ACVR1B: variants seen among roughly 807,000 people sequenced by gnomAD.
ACVR1B encodes the protein activin A receptor type 1B.
Under a neutral mutation model 55.6 loss-of-function variants are expected in ACVR1B, and 15 were observed. That is an observed-to-expected ratio of 0.27 (90% confidence interval 0.18 to 0.42). The LOEUF is 0.42. Ranked by LOEUF, ACVR1B falls within the 10% of genes least tolerant of loss-of-function variation. ACVR1B has a pLI of 1.00. For missense variants in ACVR1B, 359 were observed against 670.1 expected, an observed-to-expected ratio of 0.54 and a Z score of 5.13; for synonymous variants, 247 against 254.6, an observed-to-expected ratio of 0.97 and a Z score of 0.28.
rs746148709 is a variant in ACVR1B at position 51,951,815 on chromosome 12, C to G, written c.72C>G (p.Ser24=). ...VVLLLAGSGG[S]GPRGVQALLC... ...TCCTGCTCGCCGGCAGCGGCGGGTC[C>G]GGGCCCCGGGGGGTCCAGGGTGAGT... The change falls in exon 1 of 9, where the codon TCC becomes TCG. Residue 24 remains serine, a synonymous_variant. Transcript: ENST00000257963. 4.7e-6 allele frequency: 6 copies of G among 1,278,308 alleles called. No homozygotes were observed. The East Asian group carries it at 1.8e-4, about 37-fold the overall frequency. The allele number at this position is 1,278,308 out of a possible 1,614,324, so 79.2% of individuals were successfully genotyped here.
chr12:51,990,961 G>A (rs1220766389), intron 7 of ACVR1B, among the ~76,000 whole-genome samples: 1 of 152,112 alleles, frequency 6.6e-6, no homozygotes, highest in East Asian at 1.9e-4. Flanking sequence ...CCTTCACAGG[G>A]GTTCCTCTGT....
At chr12:51,991,061 A>T (rs1330300660) in intron 7 of ACVR1B, among the ~76,000 whole-genome samples, 1 of 152,222 alleles carries the variant, frequency 6.6e-6, no homozygotes, top group Non-Finnish European at 1.5e-5. Context: ...GCGAATGATT[A>T]CTTCCCCTAC....
intron 1 of ACVR1B, among the ~76,000 whole-genome samples, chr12:51,965,670 G>A (rs888850704): frequency 1.3e-5 from 2 of 152,164 alleles, no homozygotes; most frequent in Non-Finnish European, 2.9e-5. Context: ...GGATGGTATA[G>A]TTGGGCTAGG....
At chr12:51,982,710 C>T (rs557422924) in intron 4 of ACVR1B, 1 of 1,532,852 alleles carries the variant, frequency 6.5e-7, no homozygotes, top group South Asian at 1.2e-5. Flanking sequence ...CTCACATTGC[C>T]ATGGGAAGTT....
chr12:51,978,875 G>C (rs1941921931), intron 3 of ACVR1B, among the ~76,000 whole-genome samples: 1 of 149,282 alleles, frequency 6.7e-6, no homozygotes, highest in Non-Finnish European at 1.5e-5. Context: ...GGATCAGAGA[G>C]ACAGGAATTG....
rs753911333 is a variant in ACVR1B, at chr12:51,986,925, G to A, written c.1244G>A (p.Arg415Gln). The A allele has an allele frequency of 3.1e-6, 5 of 1,614,210 alleles. No individual in the cohort carries two copies. Among genetic ancestry groups the A allele is most frequent in the African/African-American group, 1.3e-5 (1 of 75,046 alleles). The part of the protein sequence containing the change: ...ALGLVYWEIA[R>Q]RCNSGGVHEE... ...GGGCTTGTATATTGGGAGATTGCTCGAAGATGCAATTCTGGAGGTACCTTT... is the reference window on the plus strand; with the variant it reads ...GGGCTTGTATATTGGGAGATTGCTCAAAGATGCAATTCTGGAGGTACCTTT... The change falls in exon 7 of 9, where the codon CGA becomes CAA. Residue 415 changes from arginine to glutamine, a missense_variant. Arg to Gln is a conservative substitution (Grantham distance 43). Coordinates refer to ENST00000257963, the MANE Select transcript of ACVR1B (RefSeq NM_004302.5).
In ACVR1B at chr12:51,975,293, C is replaced by G. The variant is rs555617954; in HGVS notation, c.120C>G (p.Leu40=). 1.9e-6 allele frequency: 3 copies of G among 1,613,586 alleles called. No homozygotes were observed. Among genetic ancestry groups the G allele is most frequent in the East Asian group, 4.5e-5 (2 of 44,888 alleles). Residue 40 remains leucine (L), a synonymous_variant, in exon 2 of 9, where the codon CTC becomes CTG. Coordinates refer to ENST00000257963, the MANE Select transcript of ACVR1B (RefSeq NM_004302.5). ...TGCTGTGTGCGTGCACCAGCTGCCTCCAGGCCAACTACACGTGTGAGACAG... is the reference window on the plus strand; with the variant it reads ...TGCTGTGTGCGTGCACCAGCTGCCTGCAGGCCAACTACACGTGTGAGACAG... ...QALLCACTSC[L]QANYTCETDG...
intron 2 of ACVR1B, among the ~76,000 whole-genome samples, chr12:51,975,740 A>C (rs1042831968): frequency 6.6e-6 from 1 of 152,240 alleles, no homozygotes; most frequent in Non-Finnish European, 1.5e-5. Context: ...GTAGTGGCTT[A>C]GCAGCCATAG....
intron 7 of ACVR1B, among the ~76,000 whole-genome samples, chr12:51,990,312 C>CTTTTTTTTTTTTTTTT (rs71092738): frequency 1.1e-5 from 1 of 89,588 alleles, no homozygotes; most frequent in Non-Finnish European, 2.0e-5. Context: ...AAATTTAGTG[C>CTTTTTTTTTTTTTTTT]TTTTTTTTTT....
chr12:51,976,280 T>C lies in ACVR1B; in HGVS notation c.332-47T>C, dbSNP rs1333078511. The C allele has an allele frequency of 3.1e-6, 5 of 1,609,784 alleles. No homozygotes were observed. The African/African-American group carries it at 5.4e-5, about 17-fold the overall frequency. ...GAGGGGGGTGTTTTTACTCTTTCCC[T>C]TGTTTTTACTTCTCATTCTTTCCCT... is the stretch of plus-strand genomic sequence containing the variant. On this transcript the variant is annotated intron_variant, in intron 2 of 8. Coordinates refer to ENST00000257963, the MANE Select transcript of ACVR1B (RefSeq NM_004302.5).
chr12:51,951,755 G>A lies in ACVR1B; in HGVS notation c.12G>A (p.Ser4=), dbSNP rs1169430991. Residue 4 remains serine, a synonymous_variant, in exon 1 of 9, where the codon TCG becomes TCA. Transcript: ENST00000257963. ...CGGCGGTGGTTACTATGGCGGAGTCGGCCGGAGCCTCCTCCTTCTTCCCCC... is the reference window on the plus strand; with the variant it reads ...CGGCGGTGGTTACTATGGCGGAGTCAGCCGGAGCCTCCTCCTTCTTCCCCC... MAE[S]AGASSFFPLV... is the part of the protein sequence containing the mutation. The A allele has an allele frequency of 3.1e-6, 4 of 1,277,476 alleles. No individual in the cohort carries two copies. Among genetic ancestry groups the A allele is most frequent in the South Asian group, 3.5e-5 (1 of 28,696 alleles). 79.1% of individuals were successfully genotyped at this position (1,277,476 alleles called of 1,614,324 possible). A position where few individuals can be genotyped will look rare whatever the true frequency, so the allele number is the denominator to read the frequency against.
intron 1 of ACVR1B, among the ~76,000 whole-genome samples, chr12:51,971,164 C>T (rs1016397118): frequency 7.9e-5 from 12 of 152,186 alleles, no homozygotes; most frequent in African/African-American, 7.2e-5. Context: ...CTCTATAACA[C>T]GGAGCTAGAC....
Position 51,961,641 on chromosome 12 carries a change from A to G in ACVR1B, c.91+9807A>G, listed in dbSNP as rs779755543. On this transcript the variant is annotated intron_variant, in intron 1 of 8. Transcript: ENST00000257963. ...ATTCCTATCCCTCTTCTCACTCAAA[A>G]CTGTGACATACACGGTCTCCTCTCC... 1.6e-4 allele frequency among the ~76,000 whole-genome samples: 25 copies of G among 152,104 alleles called. 1 individual carries two copies. Among genetic ancestry groups the G allele is most frequent in the Non-Finnish European group, 2.9e-4 (20 of 68,000 alleles).
chr12:51,953,354 T>G, intron 1 of ACVR1B: 1 of 985,474 alleles, frequency 1.0e-6, no homozygotes, highest in South Asian at 4.7e-5. Context: ...GTGGAGCCTG[T>G]GCAGCGGGGT....
intron 1 of ACVR1B, among the ~76,000 whole-genome samples, chr12:51,957,129 C>T (rs771824116): frequency 2.6e-5 from 4 of 151,972 alleles, no homozygotes; most frequent in African/African-American, 4.8e-5. Context: ...GTGTCCTGCT[C>T]TGTCACCCAG....
chr12:51,967,205 A>C (rs1367909737), intron 1 of ACVR1B, among the ~76,000 whole-genome samples: 3 of 151,730 alleles, frequency 2.0e-5, no homozygotes, highest in Non-Finnish European at 4.4e-5. Flanking sequence ...GTGCCACTGC[A>C]CTCCAGCCTG....
At chr12:51,967,683 A>G (rs1413932079) in intron 1 of ACVR1B, among the ~76,000 whole-genome samples, 2 of 152,236 alleles carry the variant, frequency 1.3e-5, no homozygotes, top group Non-Finnish European at 2.9e-5. Context: ...GCACTTGGCT[A>G]AGAGCTTTAT....
chr12:51,993,969 C>G lies in ACVR1B; in HGVS notation c.1393-16C>G, dbSNP rs1473483333. 6.2e-7 allele frequency: 1 copy of G among 1,613,610 alleles called. No homozygotes were observed. Among genetic ancestry groups the G allele is most frequent in the Admixed American group, 1.7e-5 (1 of 60,014 alleles). On this transcript the variant is annotated splice_polypyrimidine_tract_variant and intron_variant, in intron 8 of 8. Coordinates refer to ENST00000257963, the MANE Select transcript of ACVR1B (RefSeq NM_004302.5). ...CAGGGCATGACCGAGCTGATGGCTC[C>G]TGGGTCTCTGCACAGGCACTGCGGG...
chr12:51,958,883 C>T (rs963142989), intron 1 of ACVR1B, among the ~76,000 whole-genome samples: 3 of 152,144 alleles, frequency 2.0e-5, no homozygotes, highest in Non-Finnish European at 2.9e-5. Context: ...GTCTGTGGCC[C>T]CAGGGGTTGG....
Sources: gnomAD v4.1 joint callset for allele counts (sites outside exome capture counted in the v4.1 genomes callset) on GRCh38, gnomAD v4.1.1 for gene constraint, MANE v1.5 for transcripts, NCBI Gene and HGNC (gene_info 2026-07-23, HGNC 2026-07-21) for gene names.